The following CRISP3 variants were observed in gnomAD, a reference collection of about 807,000 sequenced individuals.
The protein encoded by CRISP3 is cysteine-rich secretory protein 3.
CRISP3 carries 33 observed loss-of-function variants against 36.1 expected under a neutral mutation model. The observed-to-expected ratio is 0.91, with a 90% CI of 0.69 to 1.22. The LOEUF (loss-of-function observed/expected upper bound fraction) is 1.22, where lower values mean the gene tolerates loss of function less well. CRISP3 is among the 50% of genes most tolerant of loss of function. The pLI is 0.00. For missense variants in CRISP3, 330 were observed against 301.2 expected (o/e 1.10, Z -0.71); for synonymous variants, 117 against 104.6 (o/e 1.12, Z -0.72).
chr6:49,728,832 G>C lies in CRISP3; in HGVS notation c.675C>G (p.Leu225=). The part of the protein sequence containing the change: ...LCTNGCKYED[L]YSNCKSLKLT... ...GCTTCAAACTTTTACAGTTACTATA[G>C]AGATCTTCGTACTTGCAACCATTGG... The change falls in exon 8 of 8, where the codon CTC becomes CTG. Residue 225 remains leucine (L), a synonymous_variant. Coordinates refer to ENST00000263045, the MANE Select transcript of CRISP3 (RefSeq NM_006061.4). 6.2e-7 allele frequency: 1 copy of C among 1,611,796 alleles called. No individual in the cohort carries two copies. Among genetic ancestry groups the C allele is most frequent in the Non-Finnish European group, 8.5e-7 (1 of 1,178,870 alleles).
intron 5 of CRISP3, 29 bp from the exon 6 acceptor site, chr6:49,733,321 G>A (rs568569361): frequency 2.3e-5 from 32 of 1,385,754 alleles, no homozygotes; most frequent in African/African-American, 2.9e-5. Context: ...AGATATGAGA[G>A]CACATTAGAG....
chr6:49,734,126 T>C (rs1768984413), intron 4 of CRISP3, among the ~76,000 whole-genome samples: 1 of 152,128 alleles, frequency 6.6e-6, no homozygotes, highest in South Asian at 2.1e-4. Flanking sequence ...ATGTCTGCTC[T>C]CCCTGGATTC....
chr6:49,734,454 A>C (rs1218987284), intron 4 of CRISP3, among the ~76,000 whole-genome samples: 1 of 152,184 alleles, frequency 6.6e-6, no homozygotes, highest in Non-Finnish European at 1.5e-5. Context: ...TGGTCAAAAA[A>C]TAAGGAAAAA....
chr6:49,744,161 CT>C (rs1335301929), intron 1 of CRISP3, among the ~76,000 whole-genome samples, 169 bp downstream of exon 1: 1 of 152,012 alleles, frequency 6.6e-6, no homozygotes. Context: ...AGCTTCTCAG[CT>C]TAAAATGAAT....
chr6:49,730,852 G>A (rs1341167352), intron 7 of CRISP3, among the ~76,000 whole-genome samples: 2 of 152,154 alleles, frequency 1.3e-5, no homozygotes, highest in Non-Finnish European at 2.9e-5. Flanking sequence ...GACCAGTGTG[G>A]CCAACATGGC....
chr6:49,736,764 A>G (rs970044038), intron 2 of CRISP3, among the ~76,000 whole-genome samples: 14 of 152,168 alleles, frequency 9.2e-5, no homozygotes, highest in African/African-American at 3.4e-4. Flanking sequence ...CTGGGTTAAG[A>G]GAGGTCTTAA....
At chr6:49,730,337 A>G (rs868527446) in intron 7 of CRISP3, among the ~76,000 whole-genome samples, 1 of 152,042 alleles carries the variant, frequency 6.6e-6, no homozygotes. Flanking sequence ...TTAAAAATGT[A>G]TACAAAATTA....
chr6:49,741,151 CAAA>C (rs10616289), intron 1 of CRISP3, among the ~76,000 whole-genome samples: 35 of 135,408 alleles, frequency 2.6e-4, no homozygotes, highest in Admixed American at 9.5e-4. Context: ...AAAAAACCAC[CAAA>C]AAAAAAAAAA....
intron 1 of CRISP3, among the ~76,000 whole-genome samples, chr6:49,743,275 T>C (rs1769252805): frequency 6.6e-6 from 1 of 152,202 alleles, no homozygotes; most frequent in Non-Finnish European, 1.5e-5. Flanking sequence ...TACTTGAGAA[T>C]TCTGACACTC....
chr6:49,735,470 G>C, intron 4 of CRISP3, 34 bp downstream of exon 4: 1 of 1,478,842 alleles, frequency 6.8e-7, no homozygotes. Flanking sequence ...TTTACTTGTT[G>C]ATTTATTCAA....
chr6:49,738,546 A>T (rs2127452831), intron 1 of CRISP3, among the ~76,000 whole-genome samples: 1 of 152,270 alleles, frequency 6.6e-6, no homozygotes, highest in South Asian at 2.1e-4. Context: ...CTTCTTAGTT[A>T]TTCACTGGTT....
At chr6:49,737,727 G>A (rs903070053) in intron 1 of CRISP3, among the ~76,000 whole-genome samples, 1 of 152,092 alleles carries the variant, frequency 6.6e-6, no homozygotes, top group Non-Finnish European at 1.5e-5. Flanking sequence ...TTGTAGGAGT[G>A]GATTCTTCAC....
At chr6:49,738,734 A>G (rs1769123386) in intron 1 of CRISP3, among the ~76,000 whole-genome samples, 1 of 151,954 alleles carries the variant, frequency 6.6e-6, no homozygotes, top group African/African-American at 2.4e-5. Flanking sequence ...CACCCCGCCC[A>G]CTGTGAATCT....
chr6:49,734,128 C>T (rs1768984505), intron 4 of CRISP3, among the ~76,000 whole-genome samples: 1 of 152,130 alleles, frequency 6.6e-6, no homozygotes, highest in African/African-American at 2.4e-5. Flanking sequence ...GTCTGCTCTC[C>T]CTGGATTCAT....
chr6:49,744,322 A>C lies in CRISP3; in HGVS notation c.37+9T>G. The C allele has an allele frequency of 6.6e-7, 1 of 1,519,726 alleles. No individual in the cohort carries two copies. The allele number at this position is 1,519,726 out of a possible 1,614,324, so 94.1% of individuals were successfully genotyped here. A position where few individuals can be genotyped will look rare whatever the true frequency, so the allele number is the denominator to read the frequency against. ...ATGTTCACCTTGAAATAAAGGAGTT[A>C]TCACTTACCAGTGGTTTCCAGAGCA... On this transcript the variant is annotated intron_variant, in intron 1 of 7. Transcript: ENST00000263045.
intron 4 of CRISP3, 75 bp from the exon 5 acceptor site, chr6:49,733,923 C>CA: frequency 1.6e-6 from 2 of 1,270,468 alleles, no homozygotes; most frequent in Admixed American, 1.8e-5. Flanking sequence ...CACACACACA[C>CA]TACACACAGC....
intron 1 of CRISP3, among the ~76,000 whole-genome samples, chr6:49,738,931 G>A (rs1438550769): frequency 6.6e-6 from 1 of 151,998 alleles, no homozygotes; most frequent in Non-Finnish European, 1.5e-5. Flanking sequence ...ATGGGAGCAG[G>A]GGAGATATAC....
At chr6:49,740,286 C>T (rs1213054326) in intron 1 of CRISP3, among the ~76,000 whole-genome samples, 1 of 152,136 alleles carries the variant, frequency 6.6e-6, no homozygotes, top group African/African-American at 2.4e-5. Context: ...GCATATCTGG[C>T]TTTAACAGTC....
intron 6 of CRISP3, among the ~76,000 whole-genome samples, chr6:49,732,964 G>T (rs539337591): frequency 6.6e-6 from 1 of 152,262 alleles, no homozygotes; most frequent in South Asian, 2.1e-4. Context: ...TGAGAGAGGA[G>T]ACAAATTATT....
Sources: gnomAD v4.1 joint callset for allele counts (sites outside exome capture counted in the v4.1 genomes callset) on GRCh38, gnomAD v4.1.1 for gene constraint, MANE v1.5 for transcripts, NCBI Gene and HGNC (gene_info 2026-07-23, HGNC 2026-07-21) for gene names.